The following RIMS1 variants were observed in gnomAD, a reference collection of about 807,000 sequenced individuals.
The protein encoded by RIMS1 is regulating synaptic membrane exocytosis 1.
A neutral mutation model predicts 214.1 loss-of-function variants in RIMS1; 83 were observed. That is an observed-to-expected ratio of 0.39 (90% CI 0.32 to 0.47). The LOEUF (loss-of-function observed/expected upper bound fraction) is 0.47, where lower values mean the gene tolerates loss of function less well. Among genes scored for constraint, RIMS1 ranks in the 20% least tolerant of loss-of-function variants. The probability of loss-of-function intolerance (pLI) is 0.99; values close to 1 mark genes in which losing one functional copy is unlikely to be tolerated. For synonymous variants in RIMS1, 793 were observed against 786.8 expected, an observed-to-expected ratio of 1.01 and a Z score of -0.13; for missense variants, 2,050 against 2,161.8, an observed-to-expected ratio of 0.95 and a Z score of 1.03.
At chr6:72,112,445 G>A (rs114616077) in intron 4 of RIMS1, among the ~76,000 whole-genome samples, 2,262 of 152,074 alleles carry the variant, frequency 0.015, 58 homozygotes, top group African/African-American at 0.05. Context: ...CAAAGTGAAA[G>A]CAAAGACCCC....
chr6:72,279,818 T>C (rs1435041378), intron 23 of RIMS1, among the ~76,000 whole-genome samples: 1 of 151,924 alleles, frequency 6.6e-6, no homozygotes, highest in Admixed American at 6.6e-5. Flanking sequence ...TTTTGTGGAC[T>C]AAGTTTCCTC....
At chr6:72,252,860 T>C (rs1470325522) in intron 16 of RIMS1, 28 bp downstream of exon 16, 4 of 1,513,654 alleles carry the variant, frequency 2.6e-6, no homozygotes. Flanking sequence ...ATGACCCTGC[T>C]TCACTGTGCT....
chr6:72,353,740 G>A (rs759312948), intron 29 of RIMS1, among the ~76,000 whole-genome samples: 4 of 152,086 alleles, frequency 2.6e-5, no homozygotes, highest in Non-Finnish European at 4.4e-5. Flanking sequence ...CTTCTGGCTT[G>A]TTTATGTCTA....
chr6:72,276,405 A>G (rs2086438075), intron 23 of RIMS1, among the ~76,000 whole-genome samples: 1 of 152,178 alleles, frequency 6.6e-6, no homozygotes, highest in Admixed American at 6.5e-5. Flanking sequence ...GGAAATTCAA[A>G]TAATACTTTC....
chr6:72,211,568 T>C (rs1351196951), intron 6 of RIMS1, among the ~76,000 whole-genome samples: 1 of 152,162 alleles, frequency 6.6e-6, no homozygotes, highest in Non-Finnish European at 1.5e-5. Context: ...ATTTTTCATA[T>C]AGTACTTCAG....
At position 71,965,079 on chromosome 6, in the gene RIMS1, G is replaced by A. The variant is rs562927949; in HGVS notation, c.165-3904G>A. On this transcript the variant is annotated intron_variant, in intron 1 of 33. Transcript: ENST00000521978. Reference sequence around the variant, plus strand: ...TGGACCCTACAATAACACTTGGGAAGTAGACACAAACACATGTATTTCCCC... The same window carrying A: ...TGGACCCTACAATAACACTTGGGAAATAGACACAAACACATGTATTTCCCC... Among the ~76,000 whole-genome samples the A allele has an allele frequency of 6.6e-5, 10 of 152,266 alleles. No individual in the cohort carries two copies. The South Asian group carries it at 2.1e-3, about 32-fold the overall frequency.
intron 4 of RIMS1, among the ~76,000 whole-genome samples, chr6:72,140,810 T>C (rs1224293971): frequency 1.3e-5 from 2 of 152,066 alleles, no homozygotes; most frequent in African/African-American, 4.8e-5. Flanking sequence ...TCAACATTTA[T>C]ATGATATATA....
chr6:71,937,348 C>T (rs1374329808), intron 1 of RIMS1, among the ~76,000 whole-genome samples: 1 of 152,154 alleles, frequency 6.6e-6, no homozygotes, highest in Admixed American at 6.5e-5. Context: ...GTGGCCTCAA[C>T]CTCCCAGGCT....
At chr6:72,223,947 C>CAA (rs34645921) in intron 6 of RIMS1, among the ~76,000 whole-genome samples, 9,772 of 105,416 alleles carry the variant, frequency 0.093, 670 homozygotes, top group East Asian at 0.27. Flanking sequence ...GACTCCGTCT[C>CAA]AAAAAAAAAA....
chr6:72,358,675 G>C (rs1225098004), intron 29 of RIMS1, among the ~76,000 whole-genome samples: 1 of 152,156 alleles, frequency 6.6e-6, no homozygotes, highest in Non-Finnish European at 1.5e-5. Flanking sequence ...AAGATTTTAA[G>C]ATAAAAAGAT....
intron 2 of RIMS1, among the ~76,000 whole-genome samples, chr6:72,049,221 C>T (rs1585669513): frequency 1.3e-5 from 2 of 151,790 alleles, no homozygotes; most frequent in Admixed American, 1.3e-4. Context: ...ACATAAGAAC[C>T]GGGAAAATAC....
intron 4 of RIMS1, among the ~76,000 whole-genome samples, chr6:72,152,845 T>TATG (rs1562442135): frequency 8.6e-5 from 8 of 92,878 alleles, no homozygotes; most frequent in East Asian, 6.5e-4. Flanking sequence ...TATGTATATA[T>TATG]GGAATATATG....
intron 2 of RIMS1, among the ~76,000 whole-genome samples, chr6:72,091,134 G>A (rs927885491): frequency 6.6e-6 from 1 of 152,210 alleles, no homozygotes; most frequent in African/African-American, 2.4e-5. Flanking sequence ...CCTGTTGGAA[G>A]TCCTGCATGC....
At chr6:72,344,290 C>T (rs919078345) in intron 29 of RIMS1, among the ~76,000 whole-genome samples, 1 of 151,744 alleles carries the variant, frequency 6.6e-6, no homozygotes, top group Non-Finnish European at 1.5e-5. Flanking sequence ...AATTTTAAGT[C>T]TGGTATGGCT....
chr6:72,351,273 GA>G lies in RIMS1; in HGVS notation c.4366+17441del, dbSNP rs550535219. Among the ~76,000 whole-genome samples the G allele has an allele frequency of 1.5e-3, 234 of 151,870 alleles. 1 individual carries two copies. The highest frequency in any genetic ancestry group is 5.1e-3 in the African/African-American group (210 of 41,474). On this transcript the variant is annotated intron_variant, in intron 29 of 33. Coordinates refer to ENST00000521978, the MANE Select transcript of RIMS1 (RefSeq NM_014989.7). Reference sequence around the variant, plus strand: ...TTAAATTTTTAGGTCAGCACTGCCTGAAACCAGCAATCATTTCCACTGAACT... The same window carrying G: ...TTAAATTTTTAGGTCAGCACTGCCTGAACCAGCAATCATTTCCACTGAACT...
At chr6:71,950,681 A>C (rs1472051869) in intron 1 of RIMS1, among the ~76,000 whole-genome samples, 1 of 152,168 alleles carries the variant, frequency 6.6e-6, no homozygotes, top group Non-Finnish European at 1.5e-5. Flanking sequence ...GAGAACTAAG[A>C]TTTGTCCAAA....
chr6:72,120,001 G>A (rs111605270), intron 4 of RIMS1, among the ~76,000 whole-genome samples: 1,715 of 151,874 alleles, frequency 0.011, 36 homozygotes, highest in Non-Finnish European at 0.017. Flanking sequence ...TTTTATGGCT[G>A]CATAGTATTC....
intron 4 of RIMS1, among the ~76,000 whole-genome samples, chr6:72,138,031 C>T (rs972401842): frequency 2.6e-5 from 4 of 151,926 alleles, no homozygotes; most frequent in South Asian, 2.1e-4. Context: ...CCACCGCGCC[C>T]GGCAAAGTCT....
intron 1 of RIMS1, among the ~76,000 whole-genome samples, chr6:71,960,561 G>T (rs753651426): frequency 6.6e-6 from 1 of 152,086 alleles, no homozygotes; most frequent in African/African-American, 2.4e-5. Flanking sequence ...GTCATGGGTC[G>T]TGGAACAAAA....
Sources: allele counts gnomAD v4.1 joint callset (sites outside exome capture counted in the v4.1 genomes callset), GRCh38; gene constraint gnomAD v4.1.1; transcripts MANE v1.5; gene names NCBI Gene and HGNC (gene_info 2026-07-23, HGNC 2026-07-21).